MYO3A: variants seen among roughly 807,000 people sequenced by gnomAD.
MYO3A encodes myosin-IIIa.
Under a neutral mutation model 192.7 loss-of-function variants are expected in MYO3A, and 180 were observed. The ratio of observed to expected loss-of-function variants is 0.93; its 90% CI spans 0.83 to 1.06. MYO3A has a LOEUF of 1.06. MYO3A is among the 50% of genes least tolerant of loss of function. The probability of loss-of-function intolerance (pLI) is 0.00; values close to 1 mark genes in which losing one functional copy is unlikely to be tolerated. For missense variants in MYO3A, 1,896 were observed against 1,905.0 expected (o/e 1.00, Z 0.09); for synonymous variants, 628 against 645.3 (o/e 0.97, Z 0.41).
intron 10 of MYO3A, among the ~76,000 whole-genome samples, chr10:26,031,272 G>T (rs565421071): frequency 6.6e-6 from 1 of 152,140 alleles, no homozygotes; most frequent in African/African-American, 2.4e-5. Context: ...CATGAAAGCC[G>T]GTGGCTTCAA....
intron 4 of MYO3A, among the ~76,000 whole-genome samples, chr10:25,974,039 T>A (rs1211485629): frequency 6.6e-6 from 1 of 152,098 alleles, no homozygotes; most frequent in East Asian, 1.9e-4. Flanking sequence ...GGGCACAGAT[T>A]TCATGATGAA....
intron 23 of MYO3A, among the ~76,000 whole-genome samples, chr10:26,150,604 C>T (rs888362195): frequency 6.6e-6 from 1 of 152,034 alleles, no homozygotes; most frequent in African/African-American, 2.4e-5. Flanking sequence ...TTATTGACAC[C>T]GTTGATTACA....
intron 21 of MYO3A, 31 bp from the exon 22 acceptor site, chr10:26,145,415 C>T (rs1456367328): frequency 7.1e-7 from 1 of 1,411,196 alleles, no homozygotes; most frequent in Non-Finnish European, 1.0e-6. Flanking sequence ...CTCATACATG[C>T]TTGATATTTG....
Position 26,211,645 on chromosome 10 carries a change from C to T in MYO3A, c.4731-198C>T, listed in dbSNP as rs115874369. Among the ~76,000 whole-genome samples the T allele has an allele frequency of 2.8e-3, 434 of 152,302 alleles. 3 individuals carry two copies. The highest frequency in any genetic ancestry group is 1.0e-2 in the African/African-American group (415 of 41,564). The stretch of plus-strand genomic sequence containing the variant: ...CTCCACCAGCCCCTCTGCTCCTCAG[C>T]TTAGAGGAGTTTTTAAAACCTGTTG... On this transcript the variant is annotated intron_variant, in intron 34 of 34. Coordinates refer to ENST00000642920, the MANE Select transcript of MYO3A (RefSeq NM_017433.5).
chr10:26,126,156 A>G (rs1839204350), intron 19 of MYO3A, among the ~76,000 whole-genome samples: 2 of 152,186 alleles, frequency 1.3e-5, no homozygotes, highest in African/African-American at 4.8e-5. Context: ...TTGTTATCTG[A>G]CTGTAAGTCT....
In MYO3A at chr10:26,153,913, TAATC is replaced by T; in HGVS notation, c.2702_2705del (p.Ile901ThrfsTer20). On this transcript the variant is annotated frameshift_variant, in exon 24 of 35. Transcript: ENST00000642920. LOFTEE classifies it high-confidence loss of function. ...TATCAAATGAGGACTTCAGAAAAAT[TAATC>T]AACCTGGCAAAGGTAAGAAAATGCT... 6.3e-7 allele frequency: 1 copy of T among 1,593,678 alleles called. No homozygotes were observed. The highest frequency in any genetic ancestry group is 8.6e-7 in the Non-Finnish European group (1 of 1,161,774).
At chr10:26,118,689 T>A (rs553660421) in intron 17 of MYO3A, among the ~76,000 whole-genome samples, 80 of 152,114 alleles carry the variant, frequency 5.3e-4, no homozygotes, top group African/African-American at 1.9e-3. Flanking sequence ...TGGAGTACAG[T>A]GGCACGATCT....
chr10:26,125,100 A>G (rs762529960), intron 18 of MYO3A, among the ~76,000 whole-genome samples: 2 of 152,212 alleles, frequency 1.3e-5, no homozygotes, highest in Admixed American at 6.5e-5. Flanking sequence ...TAGTGAAACT[A>G]TATTTGACAT....
At chr10:25,985,715 CA>C (rs537037537) in intron 4 of MYO3A, among the ~76,000 whole-genome samples, 6,565 of 151,884 alleles carry the variant, frequency 0.043, 178 homozygotes, top group Middle Eastern at 0.068. Context: ...AATTGCCCAC[CA>C]AAAAAAGTCC....
intron 31 of MYO3A, among the ~76,000 whole-genome samples, chr10:26,182,829 A>G (rs1407654438): frequency 2.0e-5 from 3 of 152,220 alleles, no homozygotes; most frequent in African/African-American, 4.8e-5. Context: ...AGTGTTCCGC[A>G]TAACAGCTCA....
At chr10:26,006,795 C>G (rs560038242) in intron 6 of MYO3A, among the ~76,000 whole-genome samples, 2 of 151,510 alleles carry the variant, frequency 1.3e-5, no homozygotes, top group East Asian at 3.9e-4. Flanking sequence ...CGAATTCTAC[C>G]AGAGGTACAA....
chr10:26,099,516 C>T (rs1837293639), intron 17 of MYO3A, among the ~76,000 whole-genome samples: 3 of 152,110 alleles, frequency 2.0e-5, no homozygotes, highest in African/African-American at 7.2e-5. Context: ...CTTCCAGTTT[C>T]TGCCAATTCA....
chr10:25,937,342 T>A lies in MYO3A; in HGVS notation c.-18+1512T>A, dbSNP rs116221635. ...TCCCTCACTCCTGCAGACATTTGAG[T>A]TTGTGATTTCAGACTCTGGAAATAT... is the stretch of plus-strand genomic sequence containing the variant. On this transcript the variant is annotated intron_variant, in intron 2 of 34. Transcript: ENST00000642920. Among the ~76,000 whole-genome samples the A allele has an allele frequency of 2.9e-3, 447 of 152,344 alleles. 3 individuals are homozygous for A. Among genetic ancestry groups the A allele is most frequent in the African/African-American group, 0.01 (433 of 41,568 alleles).
intron 10 of MYO3A, among the ~76,000 whole-genome samples, chr10:26,038,082 C>G (rs1843136094): frequency 6.6e-6 from 1 of 152,132 alleles, no homozygotes; most frequent in South Asian, 2.1e-4. Flanking sequence ...ATGCTAGTAC[C>G]CTGCTGTTTG....
At chr10:26,065,209 C>T (rs1040205112) in intron 10 of MYO3A, among the ~76,000 whole-genome samples, 3 of 152,142 alleles carry the variant, frequency 2.0e-5, no homozygotes, top group Non-Finnish European at 2.9e-5. Flanking sequence ...TTAAAATTGA[C>T]CATTGGATTT....
At chr10:26,007,551 A>G (rs987028155) in intron 6 of MYO3A, among the ~76,000 whole-genome samples, 2 of 152,184 alleles carry the variant, frequency 1.3e-5, no homozygotes, top group Non-Finnish European at 2.9e-5. Flanking sequence ...ATACAAAATC[A>G]ATGTGCCAAA....
intron 31 of MYO3A, among the ~76,000 whole-genome samples, chr10:26,192,440 G>C (rs530421292): frequency 6.6e-6 from 1 of 152,146 alleles, no homozygotes; most frequent in African/African-American, 2.4e-5. Context: ...GCAGTGCTTG[G>C]ATAGACGGGT....
chr10:26,205,613 T>C (rs1187696620), intron 34 of MYO3A, among the ~76,000 whole-genome samples: 8 of 121,008 alleles, frequency 6.6e-5, no homozygotes, highest in Non-Finnish European at 1.0e-4. Flanking sequence ...CTTTTCTTTT[T>C]TTTTTTTTTT....
chr10:26,034,952 C>T (rs1842961412), intron 10 of MYO3A, among the ~76,000 whole-genome samples: 1 of 141,414 alleles, frequency 7.1e-6, no homozygotes, highest in Non-Finnish European at 1.6e-5. Flanking sequence ...TGTGCGCACA[C>T]ATCATTTGTG....
Sources: allele counts gnomAD v4.1 joint callset (sites outside exome capture counted in the v4.1 genomes callset), GRCh38; gene constraint gnomAD v4.1.1; transcripts MANE v1.5; gene names NCBI Gene and HGNC (gene_info 2026-07-23, HGNC 2026-07-21).